TMOD1: variants seen among roughly 807,000 people sequenced by gnomAD.
TMOD1 encodes the protein tropomodulin-1.
TMOD1 carries 17 observed loss-of-function variants against 40.6 expected under a neutral mutation model. That is an observed-to-expected ratio of 0.42 (90% CI 0.29 to 0.63). The LOEUF is 0.63. TMOD1 is among the 20% of genes least tolerant of loss of function. The pLI is 0.22. For missense variants in TMOD1, 391 were observed against 447.6 expected, an observed-to-expected ratio of 0.87 and a Z score of 1.14; for synonymous variants, 181 against 175.0, an observed-to-expected ratio of 1.03 and a Z score of -0.27.
At chr9:97,576,774 C>T (rs1192677351) in intron 8 of TMOD1, among the ~76,000 whole-genome samples, 1 of 152,064 alleles carries the variant, frequency 6.6e-6, no homozygotes, top group African/African-American at 2.4e-5. Flanking sequence ...GCTGGGACTA[C>T]AGGTGCCCGC....
At chr9:97,588,870 C>G (rs376636776) in intron 8 of TMOD1, among the ~76,000 whole-genome samples, 13 of 152,032 alleles carry the variant, frequency 8.6e-5, no homozygotes, top group African/African-American at 3.1e-4. Context: ...CCTATGATCC[C>G]AGAACTTTGG....
chr9:97,591,350 A>C lies in TMOD1; in HGVS notation c.930A>C (p.Ala310=). 6.2e-7 allele frequency: 1 copy of C among 1,614,190 alleles called. No homozygotes were observed. ...MEIVSMLEKN[A]TLLKFGYHFT... ...TTGTGAGCATGTTGGAAAAAAACGC[A>C]ACACTTCTCAAATTCGGCTACCACT... Residue 310 remains alanine (A), a synonymous_variant, in exon 9 of 10, where the codon GCA becomes GCC. Coordinates refer to ENST00000259365, the MANE Select transcript of TMOD1 (RefSeq NM_003275.4).
At chr9:97,507,661 C>G (rs1829609941) in intron 1 of TMOD1, among the ~76,000 whole-genome samples, 1 of 152,070 alleles carries the variant, frequency 6.6e-6, no homozygotes, top group African/African-American at 2.4e-5. Context: ...TTAAGAGCAC[C>G]CGATACAGAG....
chr9:97,535,782 G>A (rs1402363972), intron 2 of TMOD1, among the ~76,000 whole-genome samples: 1 of 152,252 alleles, frequency 6.6e-6, no homozygotes, highest in Non-Finnish European at 1.5e-5. Flanking sequence ...CTACAGGAGT[G>A]CCTTTGGACG....
intron 5 of TMOD1, 110 bp from the exon 6 acceptor site, chr9:97,563,928 G>A (rs1830680592): frequency 6.1e-6 from 8 of 1,311,356 alleles, no homozygotes; most frequent in East Asian, 2.6e-5. Flanking sequence ...GTGATGTGCA[G>A]CCCTCACGTG....
At chr9:97,596,180 A>C (rs1826105747) in intron 9 of TMOD1, among the ~76,000 whole-genome samples, 1 of 151,790 alleles carries the variant, frequency 6.6e-6, no homozygotes, top group Non-Finnish European at 1.5e-5. Flanking sequence ...CCAGCCAGTC[A>C]CCTCCTTGCC....
chr9:97,579,721 A>G (rs1825701129), intron 8 of TMOD1, among the ~76,000 whole-genome samples: 1 of 152,178 alleles, frequency 6.6e-6, no homozygotes. Context: ...ATTGGACAAT[A>G]CCGTTCTAAT....
chr9:97,528,231 G>T lies in TMOD1; in HGVS notation c.120+3923G>T, dbSNP rs562949850. ...GGACAGAGCACCTGGGGCTCAACTTGCTGACGGTCGCAGGACCCAGGCAGG... is the reference window on the plus strand; with the variant it reads ...GGACAGAGCACCTGGGGCTCAACTTTCTGACGGTCGCAGGACCCAGGCAGG... On this transcript the variant is annotated intron_variant, in intron 2 of 9. Coordinates refer to ENST00000259365, the MANE Select transcript of TMOD1 (RefSeq NM_003275.4). Among the ~76,000 whole-genome samples the T allele has an allele frequency of 7.7e-4, 118 of 152,266 alleles. 2 individuals are homozygous for T. Among genetic ancestry groups the T allele is most frequent in the Middle Eastern group, 3.4e-3 (1 of 294 alleles).
intron 3 of TMOD1, 69 bp from the exon 4 acceptor site, chr9:97,553,212 G>T: frequency 6.2e-7 from 1 of 1,606,494 alleles, no homozygotes; most frequent in South Asian, 1.1e-5. Flanking sequence ...GGTCCACGCA[G>T]GGCTGTGGGT....
Position 97,599,538 on chromosome 9 carries a change from A to AATT in TMOD1, c.1016-94_1016-92dup, listed in dbSNP as rs898670015. ...AGACTTCAGACTCTGTTAACAAACC[A>AATT]ATTAGTGCGAGGTTTCACAGTGCTT... On this transcript the variant is annotated intron_variant, in intron 9 of 9. Transcript: ENST00000259365. 3 of 1,499,730 alleles carry AATT rather than the reference A, an allele frequency of 2.0e-6. No homozygotes were observed. The African/African-American group carries it at 4.1e-5, about 21-fold the overall frequency. 92.9% of individuals were successfully genotyped at this position (1,499,730 alleles called of 1,614,324 possible).
intron 8 of TMOD1, among the ~76,000 whole-genome samples, chr9:97,577,928 A>T (rs1363278483): frequency 6.6e-6 from 1 of 152,216 alleles, no homozygotes; most frequent in African/African-American, 2.4e-5. Flanking sequence ...AAGTTACTTG[A>T]AAAATAAGTC....
intron 4 of TMOD1, among the ~76,000 whole-genome samples, chr9:97,558,852 T>C (rs568878876): frequency 1.3e-5 from 2 of 152,240 alleles, no homozygotes; most frequent in East Asian, 3.9e-4. Context: ...ATTTTACAGG[T>C]GAGAAAACTG....
intron 8 of TMOD1, among the ~76,000 whole-genome samples, chr9:97,581,203 T>G (rs1825745569): frequency 7.6e-6 from 1 of 131,124 alleles, no homozygotes; most frequent in Non-Finnish European, 1.6e-5. Context: ...GTCCATGTGA[T>G]CTCATTGTTC....
At position 97,600,105 on chromosome 9, in the gene TMOD1, T is replaced by A; in HGVS notation, c.*407T>A. 1 of 1,007,626 alleles carries A rather than the reference T, an allele frequency of 9.9e-7. No homozygotes were observed. Among genetic ancestry groups the A allele is most frequent in the South Asian group, 4.2e-5 (1 of 23,732 alleles). 62.4% of individuals were successfully genotyped at this position (1,007,626 alleles called of 1,614,324 possible). ...TGCTTTTGAAGTATTATAAAACACTTTATTACAAATTTGTCTTAGCTATTA... is the reference window on the plus strand; with the variant it reads ...TGCTTTTGAAGTATTATAAAACACTATATTACAAATTTGTCTTAGCTATTA... On this transcript the variant is annotated 3_prime_UTR_variant, in exon 10 of 10. Transcript: ENST00000259365.
intron 6 of TMOD1, among the ~76,000 whole-genome samples, chr9:97,565,284 A>T (rs1830709613): frequency 1.3e-5 from 2 of 152,088 alleles, no homozygotes; most frequent in South Asian, 4.1e-4. Flanking sequence ...CCCAGGCCTG[A>T]CCCTAGAGAT....
rs1829512762 is a variant in TMOD1, at chr9:97,502,163, G to T, written c.-49+360G>T. Reference sequence around the variant, plus strand: ...TGGCGGAGGGGCGCCCCCGCCACCCGCAGGACTCCAGCGCGGCGGGGCTCT... The same window carrying T: ...TGGCGGAGGGGCGCCCCCGCCACCCTCAGGACTCCAGCGCGGCGGGGCTCT... On this transcript the variant is annotated intron_variant, in intron 1 of 9. Transcript: ENST00000259365. The surrounding 1 kb of genome is among the most constrained non-coding windows in gnomAD (Gnocchi z 6.1). Among the ~76,000 whole-genome samples the T allele has an allele frequency of 6.6e-6, 1 of 152,192 alleles. No homozygotes were observed. The highest frequency in any genetic ancestry group is 2.1e-4 in the South Asian group (1 of 4,828).
chr9:97,514,275 C>CTTTTTTTTTTTTTTTT (rs71369513), intron 1 of TMOD1, among the ~76,000 whole-genome samples: 6 of 121,802 alleles, frequency 4.9e-5, no homozygotes, highest in African/African-American at 6.2e-5. Context: ...TTTTCTTTTT[C>CTTTTTTTTTTTTTTTT]TTTTTTTTTT....
In TMOD1 at chr9:97,536,015, C is replaced by T. The variant is rs1830177861; in HGVS notation, c.121-10170C>T. 2.0e-5 allele frequency among the ~76,000 whole-genome samples: 3 copies of T among 152,174 alleles called. No homozygotes were observed. The South Asian group carries it at 6.2e-4, about 32-fold the overall frequency. On this transcript the variant is annotated intron_variant, in intron 2 of 9. Coordinates refer to ENST00000259365, the MANE Select transcript of TMOD1 (RefSeq NM_003275.4). ...GATCCTGCTGGTCCCTTTGTAACAT[C>T]AAGACGCTGTGACTGAGGCAAGAGT...
At chr9:97,512,296 G>A (rs1484914302) in intron 1 of TMOD1, among the ~76,000 whole-genome samples, 1 of 152,138 alleles carries the variant, frequency 6.6e-6, no homozygotes, top group Non-Finnish European at 1.5e-5. Context: ...TGGAGCAGCT[G>A]GAACTATCAT....
Sources: allele counts gnomAD v4.1 joint callset (sites outside exome capture counted in the v4.1 genomes callset), GRCh38; gene constraint gnomAD v4.1.1; non-coding constraint Gnocchi (gnomAD v3.1); transcripts MANE v1.5; gene names NCBI Gene and HGNC (gene_info 2026-07-23, HGNC 2026-07-21).